Variants in EEA1 observed in about 807,000 individuals in gnomAD.
EEA1 encodes early endosome antigen 1.
A neutral mutation model predicts 209.2 loss-of-function variants in EEA1; 111 were observed. That is an observed-to-expected ratio of 0.53 (90% confidence interval 0.45 to 0.62). The LOEUF (loss-of-function observed/expected upper bound fraction) is 0.62, where lower values mean the gene tolerates loss of function less well. EEA1 is among the 20% of genes least tolerant of loss of function. The pLI is 0.00. For synonymous variants in EEA1, 536 were observed against 540.6 expected (o/e 0.99, Z 0.12); for missense variants, 1,343 against 1,530.8 (o/e 0.88, Z 2.05).
intron 8 of EEA1, 145 bp from the exon 9 acceptor site, chr12:92,851,411 T>C: frequency 1.3e-6 from 1 of 758,762 alleles, no homozygotes; most frequent in Non-Finnish European, 2.1e-6. Flanking sequence ...CACTGATATC[T>C]TCTCCCACAA....
intron 26 of EEA1, 92 bp downstream of exon 26, chr12:92,777,849 T>C: frequency 1.4e-6 from 2 of 1,379,840 alleles, no homozygotes; most frequent in Non-Finnish European, 2.0e-6. Flanking sequence ...TGCACTTTTC[T>C]CAAGATTCTT....
intron 11 of EEA1, among the ~76,000 whole-genome samples, chr12:92,832,253 A>ACCAT (rs1876685735): frequency 6.6e-6 from 1 of 152,198 alleles, no homozygotes; most frequent in Non-Finnish European, 1.5e-5. Context: ...CGCCCCAGGT[A>ACCAT]CCATCCTAAG....
In EEA1 at chr12:92,853,903, A is replaced by C. The variant is rs778242556; in HGVS notation, c.406+12T>G. 6.3e-7 allele frequency: 1 copy of C among 1,596,324 alleles called. No homozygotes were observed. Among genetic ancestry groups the C allele is most frequent in the South Asian group, 1.2e-5 (1 of 86,796 alleles). On this transcript the variant is annotated intron_variant, in intron 6 of 28. Transcript: ENST00000322349. ...AGAAAACTGACAAAATATCTGCTTT[A>C]AGTAAAGTTACCTGCTGATGAATCA... is the stretch of plus-strand genomic sequence containing the variant.
At position 92,779,280 on chromosome 12, in the gene EEA1, A is replaced by T; in HGVS notation, c.3489T>A (p.Asp1163Glu). The part of the protein sequence containing the change: ...ESIKEITNLK[D>E]AKQLLIQQKL... The stretch of plus-strand genomic sequence containing the variant: ...TCTGCTGAATTAGAAGCTGTTTAGC[A>T]TCTTTAAGATTTGTTATCTCCTGTT... The change falls in exon 25 of 29, where the codon GAT (aspartate) becomes GAA (glutamate). Residue 1163 changes from aspartate (D) to glutamate (E), a missense_variant. By Grantham distance (45) the Asp-to-Glu change is conservative. Around this residue, in one of 3 missense-constraint regions of EEA1, gnomAD observed 1,307 missense variants for 1,465.5 expected, o/e 0.89. Coordinates refer to ENST00000322349, the MANE Select transcript of EEA1 (RefSeq NM_003566.4). The T allele has an allele frequency of 2.5e-6, 4 of 1,598,168 alleles. No individual in the cohort carries two copies. The highest frequency in any genetic ancestry group is 3.4e-6 in the Non-Finnish European group (4 of 1,176,046).
At chr12:92,854,976 G>C (rs1005171106) in intron 5 of EEA1, among the ~76,000 whole-genome samples, 2 of 152,078 alleles carry the variant, frequency 1.3e-5, no homozygotes, top group Non-Finnish European at 2.9e-5. Flanking sequence ...ACTGTGAACC[G>C]AAGAAAATCT....
At chr12:92,871,520 G>C (rs1443690150) in intron 2 of EEA1, among the ~76,000 whole-genome samples, 2 of 152,078 alleles carry the variant, frequency 1.3e-5, no homozygotes, top group African/African-American at 4.8e-5. Context: ...TCATACATAA[G>C]GGGCAGATGA....
At chr12:92,927,681 G>T (rs1881260938) in intron 1 of EEA1, among the ~76,000 whole-genome samples, 1 of 152,084 alleles carries the variant, frequency 6.6e-6, no homozygotes, top group South Asian at 2.1e-4. Flanking sequence ...AGTTCCTCCA[G>T]GTCTGATAAA....
intron 1 of EEA1, among the ~76,000 whole-genome samples, chr12:92,917,062 T>C (rs895004654): frequency 2.7e-4 from 40 of 147,086 alleles, no homozygotes; most frequent in Non-Finnish European, 4.2e-4. Flanking sequence ...TAAAAAGAAA[T>C]GAGCAAAGCC....
At position 92,832,506 on chromosome 12, in the gene EEA1, T is replaced by C. The variant is rs201127484; in HGVS notation, c.1254+6A>G. 32 of 1,601,264 alleles carry C rather than the reference T, an allele frequency of 2.0e-5. 1 individual carries two copies. The highest frequency in any genetic ancestry group is 2.7e-5 in the African/African-American group (2 of 74,068). On this transcript the variant is annotated splice_donor_region_variant and intron_variant, in intron 11 of 28. Coordinates refer to ENST00000322349, the MANE Select transcript of EEA1 (RefSeq NM_003566.4). ...AATTACAATAAATAAAATTAACAGC[T>C]CTTACTTGATTAATTTCACTTTGGA...
chr12:92,884,272 T>C (rs752355868), intron 2 of EEA1: 14 of 1,460,912 alleles, frequency 9.6e-6, no homozygotes, highest in South Asian at 3.4e-5. Context: ...AGAAATACCA[T>C]ACTGTGAATG....
At chr12:92,776,197 A>G (rs1191205683) in intron 28 of EEA1, 64 bp from the exon 29 acceptor site, 4 of 1,475,308 alleles carry the variant, frequency 2.7e-6, no homozygotes, top group Non-Finnish European at 3.7e-6. Flanking sequence ...TTATGAAACT[A>G]CATGAATACC....
intron 1 of EEA1, among the ~76,000 whole-genome samples, chr12:92,928,430 TA>T (rs953063977): frequency 1.3e-5 from 2 of 151,442 alleles, no homozygotes; most frequent in South Asian, 2.1e-4. Context: ...TATTTTTAAT[TA>T]AAAAAAAAGT....
At chr12:92,899,156 T>G (rs1227327669) in intron 1 of EEA1, among the ~76,000 whole-genome samples, 1 of 147,954 alleles carries the variant, frequency 6.8e-6, no homozygotes, top group Non-Finnish European at 1.5e-5. Flanking sequence ...TGAGAGGAGC[T>G]GGATATGAGG....
chr12:92,806,188 TAA>T (rs1875198408), intron 18 of EEA1, among the ~76,000 whole-genome samples: 5 of 151,300 alleles, frequency 3.3e-5, no homozygotes, highest in African/African-American at 1.2e-4. Context: ...AGAGGAGAAA[TAA>T]ATAAGATAGA....
intron 10 of EEA1, among the ~76,000 whole-genome samples, chr12:92,839,502 T>C (rs1321396575): frequency 3.5e-4 from 54 of 152,184 alleles, no homozygotes; most frequent in Non-Finnish European, 4.4e-5. Flanking sequence ...ACTTCAACCA[T>C]ATACTACAAT....
intron 22 of EEA1, among the ~76,000 whole-genome samples, chr12:92,786,955 T>G (rs527970288): frequency 6.6e-6 from 1 of 152,316 alleles, no homozygotes; most frequent in South Asian, 2.1e-4. Flanking sequence ...TCATTCTCAC[T>G]ATGGCACCTT....
intron 1 of EEA1, among the ~76,000 whole-genome samples, chr12:92,901,660 C>T (rs1442078124): frequency 1.3e-5 from 2 of 151,100 alleles, no homozygotes; most frequent in African/African-American, 2.4e-5. Context: ...CTCTGCCTCC[C>T]AGGTTCAGGC....
chr12:92,826,155 C>T lies in EEA1; in HGVS notation c.1524+11G>A, dbSNP rs1247017850. ...TGTGTTTACAAGGCTAATAACGCAACTAATGTTTACCTGAGCTTCTCGAAG... is the reference window on the plus strand; with the variant it reads ...TGTGTTTACAAGGCTAATAACGCAATTAATGTTTACCTGAGCTTCTCGAAG... On this transcript the variant is annotated intron_variant, in intron 13 of 28. Coordinates refer to ENST00000322349, the MANE Select transcript of EEA1 (RefSeq NM_003566.4). 1 of 1,612,002 alleles carries T rather than the reference C, an allele frequency of 6.2e-7. No homozygotes were observed. The highest frequency in any genetic ancestry group is 1.7e-5 in the Admixed American group (1 of 59,936).
intron 10 of EEA1, among the ~76,000 whole-genome samples, chr12:92,834,546 T>TTA (rs1393207376): frequency 5.4e-5 from 4 of 74,432 alleles, no homozygotes; most frequent in Non-Finnish European, 9.5e-5. Context: ...ACCCTGTCAC[T>TTA]AAAAAAAAAA....
Sources: allele counts gnomAD v4.1 joint callset (sites outside exome capture counted in the v4.1 genomes callset), GRCh38; gene constraint gnomAD v4.1.1; regional missense constraint gnomAD v4.1.1; transcripts MANE v1.5; gene names NCBI Gene and HGNC (gene_info 2026-07-23, HGNC 2026-07-21).